ECE1: variants seen among roughly 807,000 people sequenced by gnomAD.
ECE1 encodes endothelin converting enzyme 1, also known as endothelin-converting enzyme 1.
ECE1 carries 35 observed loss-of-function variants against 98.6 expected under a neutral mutation model. That is an observed-to-expected ratio of 0.35 (90% CI 0.27 to 0.47). The LOEUF is 0.47. Among genes scored for constraint, ECE1 ranks in the 20% least tolerant of loss-of-function variants. The pLI, the probability that ECE1 is intolerant of heterozygous loss-of-function variation, is 1.00. For synonymous variants in ECE1, 394 were observed against 407.1 expected, an observed-to-expected ratio of 0.97 and a Z score of 0.39; for missense variants, 814 against 1,025.3, an observed-to-expected ratio of 0.79 and a Z score of 2.81.
chr1:21,272,161 C>T (rs1055087681), intron 4 of ECE1, among the ~76,000 whole-genome samples: 1 of 152,132 alleles, frequency 6.6e-6, no homozygotes, highest in Non-Finnish European at 1.5e-5. Flanking sequence ...TCTTATTAGT[C>T]TCATTTTACA....
intron 1 of ECE1, among the ~76,000 whole-genome samples, chr1:21,336,463 G>A (rs911577318): frequency 6.6e-6 from 1 of 152,202 alleles, no homozygotes; most frequent in Non-Finnish European, 1.5e-5. Context: ...GGGAGGACGA[G>A]GTGGGCAGAT....
chr1:21,336,821 C>T (rs1008476905), intron 1 of ECE1, among the ~76,000 whole-genome samples: 7 of 152,044 alleles, frequency 4.6e-5, no homozygotes, highest in South Asian at 4.1e-4. Context: ...CCAGCTTGGG[C>T]GACAGAGCGA....
chr1:21,285,746 C>T (rs1345641597), intron 2 of ECE1, among the ~76,000 whole-genome samples: 2 of 147,538 alleles, frequency 1.4e-5, no homozygotes, highest in Non-Finnish European at 3.0e-5. Context: ...AATCCCAGCA[C>T]TTTGGAAGGC....
At chr1:21,229,457 C>G (rs1558369372) in intron 14 of ECE1, among the ~76,000 whole-genome samples, 1 of 151,878 alleles carries the variant, frequency 6.6e-6, no homozygotes, top group Non-Finnish European at 1.5e-5. Flanking sequence ...GACTGGTAAA[C>G]TATGGAATTT....
At chr1:21,309,782 C>CTTTTT (rs1223419250) in intron 1 of ECE1, among the ~76,000 whole-genome samples, 1 of 130,146 alleles carries the variant, frequency 7.7e-6, no homozygotes, top group Non-Finnish European at 1.6e-5. Flanking sequence ...TTTTTTCTTT[C>CTTTTT]TTTTTTTTTT....
intron 4 of ECE1, among the ~76,000 whole-genome samples, chr1:21,268,063 G>A (rs2098236106): frequency 6.6e-6 from 1 of 152,204 alleles, no homozygotes; most frequent in Non-Finnish European, 1.5e-5. Flanking sequence ...ATAAAATACA[G>A]TAAAGCAAAC....
chr1:21,290,339 G>T lies in ECE1; in HGVS notation c.51+25C>A, dbSNP rs1295798133. 34 of 852,238 alleles carry T rather than the reference G, an allele frequency of 4.0e-5. No homozygotes were observed. The East Asian group carries it at 3.0e-3, about 75-fold the overall frequency. The allele number at this position is 852,238 out of a possible 1,614,324, so 52.8% of individuals were successfully genotyped here. A position where few individuals can be genotyped will look rare whatever the true frequency, so the allele number is the denominator to read the frequency against. On this transcript the variant is annotated intron_variant, in intron 1 of 18. Coordinates refer to ENST00000374893, the MANE Select transcript of ECE1 (RefSeq NM_001397.3). This position sits in a 1 kb window ranked among gnomAD's most constrained non-coding sequence, Gnocchi z 7.3. Reference sequence around the variant, plus strand: ...GGGGTCCCGCCCGCCTCCCGCCCCCGCCCTCCAGGCCGCGCCCGCCTCACC... The same window carrying T: ...GGGGTCCCGCCCGCCTCCCGCCCCCTCCCTCCAGGCCGCGCCCGCCTCACC...
chr1:21,305,062 C>T (rs371655915), intron 1 of ECE1, among the ~76,000 whole-genome samples: 2 of 152,158 alleles, frequency 1.3e-5, no homozygotes, highest in African/African-American at 4.8e-5. Flanking sequence ...AACATAGAAG[C>T]GCCATGAGCC....
chr1:21,323,632 AAAAATAAAAT>A (rs58201460), intron 1 of ECE1, among the ~76,000 whole-genome samples: 49,768 of 149,214 alleles, frequency 0.33, 9,166 homozygotes, highest in African/African-American at 0.46. Context: ...CCAAAAAACT[AAAAATAAAAT>A]AAAATAAAAT....
Position 21,233,476 on chromosome 1 carries a change from G to A in ECE1, c.1670+82C>T, listed in dbSNP as rs2098184275. 3 of 1,251,202 alleles carry A rather than the reference G, an allele frequency of 2.4e-6. No individual in the cohort carries two copies. The highest frequency in any genetic ancestry group is 3.5e-6 in the Non-Finnish European group (3 of 860,308). 77.5% of individuals were successfully genotyped at this position (1,251,202 alleles called of 1,614,324 possible). On this transcript the variant is annotated intron_variant, in intron 14 of 18. Coordinates refer to ENST00000374893, the MANE Select transcript of ECE1 (RefSeq NM_001397.3). This position sits in a 1 kb window ranked among gnomAD's most constrained non-coding sequence, Gnocchi z 4.0. The stretch of plus-strand genomic sequence containing the variant: ...ATAGCTGATCGGGTGCACAGTGAGG[G>A]TGCAATGAAGGCCAGTTCGTCCCAA...
chr1:21,228,909 C>T (rs1426767217), intron 14 of ECE1, among the ~76,000 whole-genome samples: 6 of 147,358 alleles, frequency 4.1e-5, no homozygotes, highest in Non-Finnish European at 7.4e-5. Context: ...GGTGCGACTG[C>T]GGCTCACTGC....
chr1:21,286,924 G>GAAA (rs1352294824), intron 2 of ECE1, among the ~76,000 whole-genome samples: 1 of 122,702 alleles, frequency 8.1e-6, no homozygotes, highest in Non-Finnish European at 1.8e-5. Flanking sequence ...TCAAAAAAAA[G>GAAA]AAAAAAAAAA....
chr1:21,258,760 C>A lies in ECE1; in HGVS notation c.695G>T (p.Arg232Leu). The change falls in exon 6 of 19, where the codon CGC (arginine) becomes CTC (leucine). Residue 232 changes from arginine (R) to leucine (L), a missense_variant. Physicochemically the swap from Arg to Leu is moderately radical, Grantham distance 102. Around this residue, in one of 3 missense-constraint regions of ECE1, gnomAD observed 105 missense variants for 179.1 expected, o/e 0.59. Coordinates refer to ENST00000374893, the MANE Select transcript of ECE1 (RefSeq NM_001397.3). This position sits in a 1 kb window ranked among gnomAD's most constrained non-coding sequence, Gnocchi z 4.2. ...DTLQVVTAHY[R>L]TSPFFSVYVS... is the part of the protein sequence containing the mutation. Reference sequence around the variant, plus strand: ...ATAGACAGAGAAGAAGGGTGAGGTGCGGTAGTGGGCGGTGACCACCTGCAG... The same window carrying A: ...ATAGACAGAGAAGAAGGGTGAGGTGAGGTAGTGGGCGGTGACCACCTGCAG... The A allele has an allele frequency of 6.2e-7, 1 of 1,614,178 alleles. No homozygotes were observed. The highest frequency in any genetic ancestry group is 8.5e-7 in the Non-Finnish European group (1 of 1,180,036).
At chr1:21,243,403 A>T (rs1558380942) in intron 10 of ECE1, among the ~76,000 whole-genome samples, 1 of 61,512 alleles carries the variant, frequency 1.6e-5, no homozygotes, top group African/African-American at 8.9e-5. Context: ...AATATATTAA[A>T]AAAAAAAAAA....
intron 4 of ECE1, among the ~76,000 whole-genome samples, chr1:21,263,848 C>T (rs535980666): frequency 2.0e-4 from 31 of 151,958 alleles, no homozygotes; most frequent in Non-Finnish European, 3.5e-4. Flanking sequence ...CAGGAGCCCA[C>T]GGGGACAACC....
At chr1:21,306,656 G>A (rs901503058) in intron 1 of ECE1, among the ~76,000 whole-genome samples, 16 of 152,136 alleles carry the variant, frequency 1.1e-4, no homozygotes, top group Non-Finnish European at 1.5e-4. Flanking sequence ...TATTTTGTAG[G>A]TGAGAAAGCT....
At chr1:21,337,729 A>G (rs1639329959) in intron 1 of ECE1, among the ~76,000 whole-genome samples, 1 of 152,142 alleles carries the variant, frequency 6.6e-6, no homozygotes, top group South Asian at 2.1e-4. Flanking sequence ...ACTGGGCAAA[A>G]TACTGCCCCA....
In ECE1 at chr1:21,332,114, T is replaced by C. The variant is rs56952861; in HGVS notation, c.3+13262A>G. 4.1e-3 allele frequency among the ~76,000 whole-genome samples: 623 copies of C among 152,256 alleles called. 3 individuals carry two copies. Among genetic ancestry groups the C allele is most frequent in the African/African-American group, 0.014 (590 of 41,546 alleles). ...CCACCCCATCCTCAGCACCCAGTGG[T>C]GTGCAGCAGGGTTGTGGGAAATATC... On this transcript the variant is annotated intron_variant, in intron 1 of 18. Coordinates refer to the ECE1 transcript ENST00000415912.
At position 21,235,810 on chromosome 1, in the gene ECE1, G is replaced by A. The variant is rs985969035; in HGVS notation, c.1566+40C>T. On this transcript the variant is annotated intron_variant, in intron 13 of 18. Transcript: ENST00000374893. The surrounding 1 kb of genome is among the most constrained non-coding windows in gnomAD (Gnocchi z 4.2). ...CCTGCCTCGGCCCTTTTCTAAGGGG[G>A]CATTTAGGAACGCAAGGGGGCAGGG... 16 of 1,602,434 alleles carry A rather than the reference G, an allele frequency of 1.0e-5. No homozygotes were observed. The highest frequency in any genetic ancestry group is 1.4e-5 in the Non-Finnish European group (16 of 1,169,508).
Sources: gnomAD v4.1 joint callset for allele counts (sites outside exome capture counted in the v4.1 genomes callset) on GRCh38, gnomAD v4.1.1 for gene constraint, gnomAD v4.1.1 regional missense constraint, Gnocchi (gnomAD v3.1) non-coding constraint, MANE v1.5 for transcripts, NCBI Gene and HGNC (gene_info 2026-07-23, HGNC 2026-07-21) for gene names.